The following PLIN3 variants were observed in gnomAD, a reference collection of about 807,000 sequenced individuals.
The protein encoded by PLIN3 is perilipin-3.
A neutral mutation model predicts 35.9 loss-of-function variants in PLIN3; 30 were observed. That is an observed-to-expected ratio of 0.84 (90% CI 0.62 to 1.13). The LOEUF is 1.13. Among genes scored for constraint, PLIN3 ranks in the 50% most tolerant of loss-of-function variants. PLIN3 has a pLI of 0.00. For synonymous variants in PLIN3, 261 were observed against 262.5 expected (o/e 0.99, Z 0.06); for missense variants, 603 against 596.9 (o/e 1.01, Z -0.11).
Position 4,859,665 on chromosome 19 carries a change from T to A in PLIN3, c.273A>T (p.Ser91=). The change falls in exon 4 of 8, where the codon TCA becomes TCT. Residue 91 remains serine (S), a synonymous_variant. Coordinates refer to ENST00000221957, the MANE Select transcript of PLIN3 (RefSeq NM_005817.5). ...GCCCCCTGTGGGCGTATTCGCTGGC[T>A]GATGCAACTGCCAACAACAATTAAG... The part of the protein sequence containing the change: ...ILSKLEPQIA[S]ASEYAHRGLD... 6.2e-7 allele frequency: 1 copy of A among 1,613,974 alleles called. No homozygotes were observed. The highest frequency in any genetic ancestry group is 8.5e-7 in the Non-Finnish European group (1 of 1,179,838).
Position 4,841,848 on chromosome 19 carries a change from T to G in PLIN3, c.961-2312A>C, listed in dbSNP as rs562408985. The stretch of plus-strand genomic sequence containing the variant: ...TGAATCCGGGAGGCGGAGCTTGCAG[T>G]GAGCCGAAATCGCGTCACTGCACTC... On this transcript the variant is annotated intron_variant, in intron 7 of 7. Coordinates refer to ENST00000221957, the MANE Select transcript of PLIN3 (RefSeq NM_005817.5). Among the ~76,000 whole-genome samples the G allele has an allele frequency of 2.3e-5, 3 of 130,850 alleles. 1 individual carries two copies. In the South Asian group the frequency reaches 6.9e-4, roughly 30 times the overall value. 85.8% of individuals were successfully genotyped at this position (130,850 alleles called of 152,430 possible).
chr19:4,853,931 CT>C (rs60685106), intron 4 of PLIN3, among the ~76,000 whole-genome samples: 51,498 of 142,348 alleles, frequency 0.36, 9,020 homozygotes, highest in East Asian at 0.42. Context: ...GAATCTAAGT[CT>C]TTTTTTTTTT....
chr19:4,858,600 T>G (rs1433033640), intron 4 of PLIN3, among the ~76,000 whole-genome samples: 2 of 151,316 alleles, frequency 1.3e-5, no homozygotes, highest in African/African-American at 4.9e-5. Context: ...GCCAGGATGG[T>G]CTCGATCTCC....
At chr19:4,852,699 G>A (rs1599167178) in intron 4 of PLIN3, among the ~76,000 whole-genome samples, 1 of 150,148 alleles carries the variant, frequency 6.7e-6, no homozygotes, top group Non-Finnish European at 1.5e-5. Context: ...GGAGTGCAGT[G>A]ACACCATCTC....
intron 7 of PLIN3, among the ~76,000 whole-genome samples, chr19:4,844,142 G>A (rs2030002546): frequency 6.6e-6 from 1 of 151,972 alleles, no homozygotes; most frequent in South Asian, 2.1e-4. Flanking sequence ...GAGATAGAGT[G>A]GAGGGGGCCG....
In PLIN3 at chr19:4,839,415, T is replaced by A. The variant is rs756852108; in HGVS notation, c.1082A>T (p.Gln361Leu). Reference protein sequence around the residue: ...LPTNVKDQVQQARRQVEDLQA... With the variant: ...LPTNVKDQVQLARRQVEDLQA... ...GAGGTCCTCCACCTGGCGGCGGGCCTGCTGCACCTGGTCCTTCACATTGGT... is the reference window on the plus strand; with the variant it reads ...GAGGTCCTCCACCTGGCGGCGGGCCAGCTGCACCTGGTCCTTCACATTGGT... The change falls in exon 8 of 8, where the codon CAG becomes CTG. Residue 361 changes from glutamine to leucine, a missense_variant. Transcript: ENST00000221957. 3 of 1,608,940 alleles carry A rather than the reference T, an allele frequency of 1.9e-6. No homozygotes were observed. The Admixed American group carries it at 5.0e-5, about 27-fold the overall frequency.
intron 2 of PLIN3, among the ~76,000 whole-genome samples, chr19:4,860,845 C>T (rs950523450): frequency 1.3e-5 from 2 of 152,032 alleles, no homozygotes; most frequent in Non-Finnish European, 2.9e-5. Context: ...GTGGCACATG[C>T]CTGTTACCCC....
intron 4 of PLIN3, among the ~76,000 whole-genome samples, chr19:4,853,618 C>A (rs1467518364): frequency 6.6e-6 from 1 of 151,918 alleles, no homozygotes; most frequent in Non-Finnish European, 1.5e-5. Flanking sequence ...AGCCACTGCG[C>A]CCAGCCTTAT....
intron 5 of PLIN3, among the ~76,000 whole-genome samples, chr19:4,851,480 T>TAAA: frequency 6.6e-6 from 1 of 151,732 alleles, no homozygotes; most frequent in Non-Finnish European, 1.5e-5. Context: ...AATAAATAAA[T>TAAA]TAATTAAAGA....
intron 7 of PLIN3, among the ~76,000 whole-genome samples, chr19:4,842,954 C>G (rs1488825170): frequency 6.6e-6 from 1 of 152,158 alleles, no homozygotes; most frequent in Admixed American, 6.6e-5. Context: ...GGCACGGTGG[C>G]TCACGCCTGT....
intron 5 of PLIN3, 89 bp downstream of exon 5, chr19:4,851,927 G>A: frequency 2.9e-6 from 4 of 1,360,750 alleles, no homozygotes; most frequent in South Asian, 1.3e-5. Flanking sequence ...GCGGCAGTGA[G>A]TGTCGGCACA....
chr19:4,865,315 C>G (rs1334574669), intron 1 of PLIN3, among the ~76,000 whole-genome samples: 3 of 151,726 alleles, frequency 2.0e-5, no homozygotes, highest in African/African-American at 7.3e-5. Flanking sequence ...ATGGTGAAAC[C>G]CCATCTCTAC....
chr19:4,852,263 C>A lies in PLIN3; in HGVS notation c.387G>T (p.Val129=). Residue 129 remains valine (V), a synonymous_variant, in exon 5 of 8, where the codon GTG becomes GTT. Transcript: ENST00000221957. ...TAGACACCATCTCTTGGGCCCCCGA[C>A]ACCTTAGACGACACAAGCTCCTTGG... ...ADTKELVSSK[V]SGAQEMVSSA... 6.2e-7 allele frequency: 1 copy of A among 1,605,856 alleles called. No homozygotes were observed.
At chr19:4,855,650 C>T (rs562414140) in intron 4 of PLIN3, among the ~76,000 whole-genome samples, 3 of 152,174 alleles carry the variant, frequency 2.0e-5, no homozygotes, top group Admixed American at 6.6e-5. Flanking sequence ...TCTCGTGATC[C>T]GCCCGCCTCG....
At chr19:4,856,420 T>C (rs1048133509) in intron 4 of PLIN3, among the ~76,000 whole-genome samples, 2 of 151,804 alleles carry the variant, frequency 1.3e-5, no homozygotes, top group African/African-American at 4.8e-5. Context: ...TACCCAGGCA[T>C]GGTGGTGCAT....
chr19:4,863,779 T>C (rs2030752074), intron 1 of PLIN3, among the ~76,000 whole-genome samples: 1 of 145,594 alleles, frequency 6.9e-6, no homozygotes, highest in Non-Finnish European at 1.5e-5. Flanking sequence ...AGTGACCTGG[T>C]ATTGCACCAC....
chr19:4,863,623 A>C (rs1022672850), intron 1 of PLIN3, among the ~76,000 whole-genome samples: 2 of 151,966 alleles, frequency 1.3e-5, no homozygotes, highest in Admixed American at 1.3e-4. Context: ...GGTGGAGACC[A>C]GCCTGGCCAA....
rs1196081826 is a variant in PLIN3, at chr19:4,859,999, C to T, written c.92G>A (p.Ser31Asn). 1 of 1,613,934 alleles carries T rather than the reference C, an allele frequency of 6.2e-7. No individual in the cohort carries two copies. Among genetic ancestry groups the T allele is most frequent in the Non-Finnish European group, 8.5e-7 (1 of 1,180,026 alleles). ...QQPSVVDRVA[S>N]MPLISSTCDM... ...GCAGGTGGAGCTGATCAGAGGCATG[C>T]TGGCCACACGGTCCACCACACTGGG... Residue 31 changes from serine to asparagine, a missense_variant, in exon 3 of 8, where the codon AGC (serine) becomes AAC (asparagine). Ser to Asn is a conservative substitution (Grantham distance 46, BLOSUM62 1). Transcript: ENST00000221957.
At chr19:4,863,281 T>C (rs189554194) in intron 1 of PLIN3, among the ~76,000 whole-genome samples, 3,292 of 150,930 alleles carry the variant, frequency 0.022, 54 homozygotes, top group Non-Finnish European at 0.032. Context: ...GTGGATCACC[T>C]GAGGTCAGGA....
Sources: gnomAD v4.1 joint callset for allele counts (sites outside exome capture counted in the v4.1 genomes callset) on GRCh38, gnomAD v4.1.1 for gene constraint, MANE v1.5 for transcripts, NCBI Gene and HGNC (gene_info 2026-07-23, HGNC 2026-07-21) for gene names.